ARHGEF3: variants seen among roughly 807,000 people sequenced by gnomAD.
ARHGEF3 encodes Rho guanine nucleotide exchange factor 3.
Under a neutral mutation model 63.2 loss-of-function variants are expected in ARHGEF3, and 28 were observed. That is an observed-to-expected ratio of 0.44 (90% confidence interval 0.33 to 0.61). The LOEUF (loss-of-function observed/expected upper bound fraction) is 0.61. Among genes scored for constraint, ARHGEF3 ranks in the 20% least tolerant of loss-of-function variants. The probability of loss-of-function intolerance (pLI) is 0.03; values close to 1 mark genes in which losing one functional copy is unlikely to be tolerated. For missense variants in ARHGEF3, 533 were observed against 659.3 expected (o/e 0.81, Z 2.10); for synonymous variants, 266 against 254.2 (o/e 1.05, Z -0.44).
At chr3:56,800,711 C>T (rs918664455) in intron 1 of ARHGEF3, among the ~76,000 whole-genome samples, 4 of 152,164 alleles carry the variant, frequency 2.6e-5, no homozygotes, top group African/African-American at 9.7e-5. Flanking sequence ...CAGCCTTTCC[C>T]CAGTGGTGGT....
intron 2 of ARHGEF3, among the ~76,000 whole-genome samples, chr3:56,968,247 A>AT (rs1700729340): frequency 7.5e-5 from 3 of 40,262 alleles, no homozygotes; most frequent in African/African-American, 2.3e-4. Flanking sequence ...TATATATATT[A>AT]ATATATAATA....
At chr3:56,931,138 C>A (rs2042398762) in intron 3 of ARHGEF3, among the ~76,000 whole-genome samples, 1 of 152,118 alleles carries the variant, frequency 6.6e-6, no homozygotes, top group African/African-American at 2.4e-5. Flanking sequence ...AAGGCTTTTC[C>A]CTCCTTGAGA....
At chr3:56,934,556 C>G (rs368519612) in intron 3 of ARHGEF3, among the ~76,000 whole-genome samples, 1 of 152,226 alleles carries the variant, frequency 6.6e-6, no homozygotes, top group Non-Finnish European at 1.5e-5. Flanking sequence ...CCCCCGCACT[C>G]GGAGCAGCTG....
upstream of ARHGEF3, among the ~76,000 whole-genome samples, chr3:56,806,319 G>A (rs1350263430): frequency 6.6e-6 from 1 of 152,188 alleles, no homozygotes; most frequent in African/African-American, 2.4e-5. Context: ...AGGGAAGCTG[G>A]TCCAGTCCTG....
In ARHGEF3 at chr3:56,729,291, C is replaced by A; in HGVS notation, c.1560G>T (p.Arg520Ser). 6.2e-7 allele frequency: 1 copy of A among 1,613,158 alleles called. No individual in the cohort carries two copies. The highest frequency in any genetic ancestry group is 8.5e-7 in the Non-Finnish European group (1 of 1,179,322). Residue 520 changes from arginine (R) to serine (S), a missense_variant, in exon 10 of 10, where the codon AGG becomes AGT. By Grantham distance (110) the Arg-to-Ser change is moderately radical. Coordinates refer to ENST00000296315, the MANE Select transcript of ARHGEF3 (RefSeq NM_019555.3). ...EQTDSSCGNS[R>S]HGESNV Reference sequence around the variant, plus strand: ...TCTGTCAGACGTTACTTTCACCGTGCCTGCTGTTTCCACAGGAAGAGTCTG... The same window carrying A: ...TCTGTCAGACGTTACTTTCACCGTGACTGCTGTTTCCACAGGAAGAGTCTG...
intron 1 of ARHGEF3, among the ~76,000 whole-genome samples, chr3:57,041,916 A>C (rs1396410290): frequency 6.6e-6 from 1 of 152,188 alleles, no homozygotes; most frequent in Non-Finnish European, 1.5e-5. Flanking sequence ...GTGGCCAAGA[A>C]ACATGACCCA....
chr3:56,850,593 A>G (rs953103181), intron 4 of ARHGEF3, among the ~76,000 whole-genome samples: 1 of 152,234 alleles, frequency 6.6e-6, no homozygotes, highest in Non-Finnish European at 1.5e-5. Flanking sequence ...GTCATTTTCC[A>G]TAAGTAGGAA....
chr3:56,854,785 G>A (rs1394523965), intron 4 of ARHGEF3, among the ~76,000 whole-genome samples: 2 of 139,984 alleles, frequency 1.4e-5, no homozygotes, highest in African/African-American at 2.5e-5. Context: ...GGGGGTTGGG[G>A]GGCAGGTAGG....
intron 2 of ARHGEF3, among the ~76,000 whole-genome samples, chr3:56,980,474 C>T (rs965197051): frequency 2.0e-5 from 3 of 152,216 alleles, no homozygotes; most frequent in Admixed American, 1.3e-4. Context: ...AGGCTAAAAA[C>T]TGTAAGGCGA....
chr3:56,936,261 C>T (rs1435089739), intron 3 of ARHGEF3, among the ~76,000 whole-genome samples: 2 of 152,166 alleles, frequency 1.3e-5, no homozygotes, highest in East Asian at 1.9e-4. Flanking sequence ...GGGAGCAGAA[C>T]CTATAGGTCA....
At chr3:57,056,905 C>G (rs1340620302) in intron 1 of ARHGEF3, among the ~76,000 whole-genome samples, 2 of 151,934 alleles carry the variant, frequency 1.3e-5, no homozygotes, top group South Asian at 4.2e-4. Flanking sequence ...AACACAAAGG[C>G]TCCTCTTGGC....
At chr3:57,062,441 AGGAGCACGGCGGC>A (rs1705275373) in intron 1 of ARHGEF3, among the ~76,000 whole-genome samples, 1 of 152,230 alleles carries the variant, frequency 6.6e-6, no homozygotes, top group Admixed American at 6.5e-5. Flanking sequence ...GGCTAGGCTC[AGGAGCACGGCGGC>A]GGGGGCGGGG....
chr3:57,062,205 A>G (rs1464592014), intron 1 of ARHGEF3, among the ~76,000 whole-genome samples: 2 of 152,144 alleles, frequency 1.3e-5, no homozygotes, highest in Non-Finnish European at 2.9e-5. Flanking sequence ...CAATGTGCCC[A>G]ACCCTCCCCT....
chr3:56,730,391 T>C (rs2033062325), intron 9 of ARHGEF3, among the ~76,000 whole-genome samples: 1 of 100,706 alleles, frequency 9.9e-6, no homozygotes, highest in East Asian at 4.1e-4. Flanking sequence ...ATTTAATCTT[T>C]TTTTTTTTTT....
At chr3:57,013,787 A>G (rs2107117314) in intron 2 of ARHGEF3, among the ~76,000 whole-genome samples, 1 of 152,362 alleles carries the variant, frequency 6.6e-6, no homozygotes, top group African/African-American at 2.4e-5. Flanking sequence ...TAAACATACC[A>G]ATCAGCACCC....
chr3:56,988,974 T>A (rs978340531), intron 2 of ARHGEF3, among the ~76,000 whole-genome samples: 3 of 152,134 alleles, frequency 2.0e-5, no homozygotes, highest in Non-Finnish European at 4.4e-5. Flanking sequence ...TCTTGAGGAC[T>A]CAAAGTTAAA....
chr3:56,906,250 T>C (rs989888213), intron 3 of ARHGEF3, among the ~76,000 whole-genome samples: 3 of 152,222 alleles, frequency 2.0e-5, no homozygotes, highest in Non-Finnish European at 2.9e-5. Context: ...TCCTCAGCTG[T>C]ACTAGTCACA....
intron 2 of ARHGEF3, among the ~76,000 whole-genome samples, chr3:57,026,910 T>C (rs372534022): frequency 1.3e-5 from 2 of 152,244 alleles, no homozygotes; most frequent in Admixed American, 6.5e-5. Context: ...AAGGTCCATG[T>C]CTGACTGTAG....
chr3:56,938,300 A>G (rs987426890), intron 3 of ARHGEF3, among the ~76,000 whole-genome samples: 1 of 152,220 alleles, frequency 6.6e-6, no homozygotes, highest in Non-Finnish European at 1.5e-5. Flanking sequence ...TCACACTTAT[A>G]TAGGGCAGCC....
Sources: gnomAD v4.1 joint callset for allele counts (sites outside exome capture counted in the v4.1 genomes callset) on GRCh38, gnomAD v4.1.1 for gene constraint, MANE v1.5 for transcripts, NCBI Gene and HGNC (gene_info 2026-07-23, HGNC 2026-07-21) for gene names.